Variants in NBEA observed in about 807,000 individuals in gnomAD.
The protein encoded by NBEA is lysosomal-trafficking regulator 2.
NBEA carries 44 observed loss-of-function variants against 343.4 expected under a neutral mutation model. The observed-to-expected ratio is 0.13, with a 90% confidence interval of 0.10 to 0.16. The LOEUF (loss-of-function observed/expected upper bound fraction) is 0.16. Among genes scored for constraint, NBEA ranks in the 10% least tolerant of loss-of-function variants. The pLI, the probability that NBEA is intolerant of heterozygous loss-of-function variation, is 1.00. For synonymous variants in NBEA, 1,175 were observed against 1,238.7 expected (o/e 0.95, Z 1.08); for missense variants, 2,555 against 3,631.3 (o/e 0.70, Z 7.62).
chr13:35,295,115 A>G (rs1311526785), intron 35 of NBEA, among the ~76,000 whole-genome samples: 1 of 148,204 alleles, frequency 6.7e-6, no homozygotes, highest in Non-Finnish European at 1.5e-5. Flanking sequence ...TAATATTTAT[A>G]TTTAATATAT....
intron 11 of NBEA, among the ~76,000 whole-genome samples, chr13:35,100,831 T>C (rs2065608982): frequency 6.6e-6 from 1 of 151,980 alleles, no homozygotes; most frequent in Non-Finnish European, 1.5e-5. Flanking sequence ...TTCTTTGTTA[T>C]TCATTTCCTT....
At chr13:35,665,929 C>T (rs1414488999) in intron 56 of NBEA, among the ~76,000 whole-genome samples, 2 of 152,146 alleles carry the variant, frequency 1.3e-5, no homozygotes, top group African/African-American at 4.8e-5. Flanking sequence ...CACCCAGCCT[C>T]TTTGGAGTTT....
intron 48 of NBEA, among the ~76,000 whole-genome samples, chr13:35,619,454 C>T (rs1381782622): frequency 6.6e-6 from 1 of 152,076 alleles, no homozygotes; most frequent in East Asian, 1.9e-4. Context: ...ACTGCAACCG[C>T]TTGCAAAAAA....
chr13:35,261,635 G>C (rs543446330), intron 34 of NBEA, among the ~76,000 whole-genome samples: 1 of 152,286 alleles, frequency 6.6e-6, no homozygotes. Context: ...TTGATGACTT[G>C]AGCCGAATAT....
intron 33 of NBEA, among the ~76,000 whole-genome samples, chr13:35,216,122 TC>T (rs1170995167): frequency 3.3e-5 from 5 of 151,806 alleles, no homozygotes; most frequent in East Asian, 1.9e-4. Context: ...TATTATGATT[TC>T]CCCCCAAAAA....
At chr13:35,388,089 A>G (rs2042331180) in intron 38 of NBEA, among the ~76,000 whole-genome samples, 1 of 152,110 alleles carries the variant, frequency 6.6e-6, no homozygotes, top group African/African-American at 2.4e-5. Context: ...TTAATCAACT[A>G]TCAATTATTC....
intron 55 of NBEA, among the ~76,000 whole-genome samples, chr13:35,663,463 A>C (rs1267163235): frequency 6.6e-6 from 1 of 152,100 alleles, no homozygotes; most frequent in African/African-American, 2.4e-5. Context: ...TTTTTATAGC[A>C]GAATAATATT....
chr13:35,075,960 T>A (rs2064096725), intron 10 of NBEA, among the ~76,000 whole-genome samples: 2 of 151,982 alleles, frequency 1.3e-5, no homozygotes, highest in Non-Finnish European at 1.5e-5. Flanking sequence ...TATACAGCGT[T>A]AAAATTTTAT....
intron 1 of NBEA, among the ~76,000 whole-genome samples, chr13:34,943,563 G>A (rs2059098241): frequency 6.6e-6 from 1 of 152,162 alleles, no homozygotes; most frequent in Non-Finnish European, 1.5e-5. Context: ...AATGTGAGAA[G>A]CGCATTAGCT....
intron 38 of NBEA, among the ~76,000 whole-genome samples, chr13:35,363,915 T>C (rs1421646298): frequency 6.6e-6 from 1 of 151,926 alleles, no homozygotes. Flanking sequence ...ATCAGGAATG[T>C]TGCTGTCATC....
At chr13:35,319,869 C>T (rs1413939785) in intron 36 of NBEA, among the ~76,000 whole-genome samples, 2 of 150,806 alleles carry the variant, frequency 1.3e-5, no homozygotes, top group Non-Finnish European at 2.9e-5. Context: ...CTGTTTTGAT[C>T]TTTGTTGGCT....
chr13:35,668,561 A>G (rs79286781), intron 58 of NBEA, 42 bp downstream of exon 58: 179 of 1,510,962 alleles, frequency 1.2e-4, no homozygotes, highest in Admixed American at 2.0e-4. Flanking sequence ...GAGAACTGTC[A>G]TTGAAGGCTC....
At chr13:35,305,726 T>G (rs940290707) in intron 35 of NBEA, among the ~76,000 whole-genome samples, 11 of 152,180 alleles carry the variant, frequency 7.2e-5, no homozygotes, top group African/African-American at 2.4e-4. Context: ...GAAGTAAACT[T>G]TCATGTTTTA....
intron 1 of NBEA, 85 bp downstream of exon 1, chr13:34,943,199 C>G: frequency 6.6e-7 from 1 of 1,512,216 alleles, no homozygotes; most frequent in Non-Finnish European, 9.0e-7. Flanking sequence ...CCTTCACCCC[C>G]AGGGTCACAC....
At chr13:34,983,500 A>G (rs2060434653) in intron 1 of NBEA, among the ~76,000 whole-genome samples, 1 of 152,134 alleles carries the variant, frequency 6.6e-6, no homozygotes, top group African/African-American at 2.4e-5. Flanking sequence ...ATGTGTCTTT[A>G]TAGTAGTATG....
At chr13:35,176,119 T>C (rs929295660) in intron 27 of NBEA, among the ~76,000 whole-genome samples, 3 of 152,068 alleles carry the variant, frequency 2.0e-5, no homozygotes, top group Admixed American at 1.3e-4. Context: ...GCCAGAAGTT[T>C]TGGAATTGTA....
At chr13:35,238,213 T>A (rs2152775699) in intron 34 of NBEA, among the ~76,000 whole-genome samples, 1 of 152,324 alleles carries the variant, frequency 6.6e-6, no homozygotes, top group African/African-American at 2.4e-5. Flanking sequence ...TTATGTTCTA[T>A]TGGGAGCTCA....
intron 41 of NBEA, chr13:35,477,084 A>G (rs1244529566): frequency 6.0e-6 from 1 of 167,128 alleles, no homozygotes; most frequent in Non-Finnish European, 1.5e-5. Flanking sequence ...ACTAACTTGC[A>G]TTTAGAGTAA....
chr13:35,244,444 G>A (rs954236072), intron 34 of NBEA, among the ~76,000 whole-genome samples: 1 of 151,888 alleles, frequency 6.6e-6, no homozygotes, highest in African/African-American at 2.4e-5. Context: ...CTTCCTTTCT[G>A]GGTTCTCTAT....
Sources: gnomAD v4.1 joint callset for allele counts (sites outside exome capture counted in the v4.1 genomes callset) on GRCh38, gnomAD v4.1.1 for gene constraint, MANE v1.5 for transcripts, NCBI Gene and HGNC (gene_info 2026-07-23, HGNC 2026-07-21) for gene names.